ATP9B: variants seen among roughly 807,000 people sequenced by gnomAD.
ATP9B encodes the protein ATPase phospholipid transporting 9B.
Under a neutral mutation model 146.1 loss-of-function variants are expected in ATP9B, and 110 were observed. The observed-to-expected ratio is 0.75, with a 90% CI of 0.65 to 0.88. ATP9B has a LOEUF of 0.88. Ranked by LOEUF, ATP9B falls within the 40% of genes least tolerant of loss-of-function variation. The pLI is 0.00. For synonymous variants in ATP9B, 604 were observed against 569.7 expected (o/e 1.06, Z -0.86); for missense variants, 1,499 against 1,496.4 (o/e 1.00, Z -0.03).
intron 13 of ATP9B, among the ~76,000 whole-genome samples, chr18:79,284,774 C>T (rs1013042440): frequency 6.8e-6 from 1 of 147,932 alleles, no homozygotes; most frequent in Non-Finnish European, 1.5e-5. Context: ...CTCCCCCCCA[C>T]CCCACCCCAC....
In ATP9B at chr18:79,224,423, A is replaced by T. The variant is rs529352975; in HGVS notation, c.1107+10385A>T. ...GGGTGGAAAGCAAGTGGGCATGTGG[A>T]TGGTGGTTATGTAGTTGCTGAAGAT... On this transcript the variant is annotated intron_variant, in intron 11 of 29. Transcript: ENST00000426216. Among the ~76,000 whole-genome samples the T allele has an allele frequency of 2.6e-5, 4 of 152,206 alleles. No homozygotes were observed. In the South Asian group the frequency reaches 8.3e-4, roughly 32 times the overall value.
intron 11 of ATP9B, among the ~76,000 whole-genome samples, chr18:79,227,982 A>G (rs1482615090): frequency 1.3e-5 from 2 of 152,254 alleles, no homozygotes; most frequent in African/African-American, 4.8e-5. Flanking sequence ...CACTTTGTAT[A>G]CATTAGCCAA....
Position 79,215,310 on chromosome 18 carries a change from C to T in ATP9B, c.1107+1272C>T, listed in dbSNP as rs1282411979. Among the ~76,000 whole-genome samples, 4 of 152,120 alleles carry T rather than the reference C, an allele frequency of 2.6e-5. No homozygotes were observed. The East Asian group carries it at 5.8e-4, about 22-fold the overall frequency. On this transcript the variant is annotated intron_variant, in intron 11 of 29. Transcript: ENST00000426216. ...GTAAGTAGAGTGAGGCCTTCTGTGT[C>T]GATTGTTTGCTTGTTCACTGGGGCA...
intron 4 of ATP9B, among the ~76,000 whole-genome samples, chr18:79,114,348 A>G (rs971619664): frequency 6.6e-6 from 1 of 152,166 alleles, no homozygotes; most frequent in African/African-American, 2.4e-5. Flanking sequence ...GGGTTCCTTC[A>G]GTGAAAGAAG....
intron 1 of ATP9B, chr18:79,095,731 A>G (rs1384838417): frequency 2.6e-5 from 4 of 152,200 alleles, no homozygotes; most frequent in Non-Finnish European, 2.9e-5. Context: ...TTGAATCACC[A>G]TTATAGTTTC....
chr18:79,191,597 T>A (rs1307941954), intron 8 of ATP9B, among the ~76,000 whole-genome samples: 2 of 152,244 alleles, frequency 1.3e-5, no homozygotes, highest in Non-Finnish European at 1.5e-5. Context: ...GTTAATCCCA[T>A]CTAAAGAATT....
intron 13 of ATP9B, among the ~76,000 whole-genome samples, chr18:79,279,111 C>T (rs1370320856): frequency 1.3e-5 from 2 of 152,156 alleles, no homozygotes; most frequent in Non-Finnish European, 2.9e-5. Context: ...CCGTGAGCGG[C>T]GCCTGTGAGA....
At chr18:79,227,231 T>C (rs535596226) in intron 11 of ATP9B, among the ~76,000 whole-genome samples, 1 of 152,218 alleles carries the variant, frequency 6.6e-6, no homozygotes, top group South Asian at 2.1e-4. Context: ...ATCTTGTACT[T>C]TCTTTGCTCC....
intron 13 of ATP9B, among the ~76,000 whole-genome samples, chr18:79,294,866 C>T (rs1320681523): frequency 6.6e-6 from 1 of 152,084 alleles, no homozygotes; most frequent in Non-Finnish European, 1.5e-5. Context: ...GTCCATGTTG[C>T]CAAAAAGGAG....
At chr18:79,111,468 A>C (rs2075999576) in intron 3 of ATP9B, among the ~76,000 whole-genome samples, 1 of 152,200 alleles carries the variant, frequency 6.6e-6, no homozygotes, top group East Asian at 1.9e-4. Context: ...AAAACCCACA[A>C]AACTAATGGC....
intron 5 of ATP9B, among the ~76,000 whole-genome samples, chr18:79,130,807 A>G (rs773525970): frequency 1.1e-3 from 166 of 152,256 alleles, no homozygotes; most frequent in Middle Eastern, 0.01. Context: ...AAATGGTGAG[A>G]GAGAGAGAAA....
chr18:79,350,580 C>A (rs539371154), intron 25 of ATP9B, among the ~76,000 whole-genome samples: 1 of 152,312 alleles, frequency 6.6e-6, no homozygotes, highest in African/African-American at 2.4e-5. Context: ...CCTACCAACT[C>A]ATAGCCCATA....
At chr18:79,271,675 T>C (rs1411465303) in intron 12 of ATP9B, among the ~76,000 whole-genome samples, 2 of 151,480 alleles carry the variant, frequency 1.3e-5, no homozygotes, top group African/African-American at 4.9e-5. Flanking sequence ...TCTTTGCTAT[T>C]GTGAATAGTG....
intron 26 of ATP9B, chr18:79,364,433 CAT>C (rs528602462): frequency 1.5e-3 from 225 of 152,222 alleles, no homozygotes; most frequent in African/African-American, 5.0e-3. Flanking sequence ...AAATACATCA[CAT>C]GTGTCAGATG....
intron 8 of ATP9B, among the ~76,000 whole-genome samples, chr18:79,190,918 A>T (rs922355270): frequency 6.6e-6 from 1 of 151,918 alleles, no homozygotes; most frequent in East Asian, 1.9e-4. Flanking sequence ...ATTTACTTAG[A>T]TATTTACTAC....
At chr18:79,321,725 G>T (rs2146904877) in intron 15 of ATP9B, among the ~76,000 whole-genome samples, 1 of 152,276 alleles carries the variant, frequency 6.6e-6, no homozygotes, top group East Asian at 1.9e-4. Context: ...GCTGGGCTAG[G>T]TATAAGAAGC....
intron 11 of ATP9B, among the ~76,000 whole-genome samples, chr18:79,243,383 G>A (rs1215256892): frequency 1.3e-5 from 2 of 152,208 alleles, no homozygotes; most frequent in Non-Finnish European, 2.9e-5. Flanking sequence ...TTAGTCATAC[G>A]TCTTGTCAAG....
intron 25 of ATP9B, among the ~76,000 whole-genome samples, 167 bp from the exon 26 acceptor site, chr18:79,359,183 GATAA>G (rs954599438): frequency 6.6e-6 from 1 of 152,152 alleles, no homozygotes; most frequent in Non-Finnish European, 1.5e-5. Context: ...TGTGCTCTGA[GATAA>G]ATACTCAGTC....
intron 25 of ATP9B, among the ~76,000 whole-genome samples, chr18:79,359,099 C>A (rs1184413679): frequency 6.6e-6 from 1 of 152,084 alleles, no homozygotes; most frequent in Non-Finnish European, 1.5e-5. Context: ...ACAATGATCT[C>A]AACATAGAAA....
Sources: allele counts gnomAD v4.1 joint callset (sites outside exome capture counted in the v4.1 genomes callset), GRCh38; gene constraint gnomAD v4.1.1; transcripts MANE v1.5; gene names NCBI Gene and HGNC (gene_info 2026-07-23, HGNC 2026-07-21).